CCSER1: variants seen among roughly 807,000 people sequenced by gnomAD.
CCSER1 encodes serine-rich coiled-coil domain-containing protein 1.
In CCSER1, 41 loss-of-function variants were observed where a neutral mutation model predicts 82.0. The observed-to-expected ratio is 0.50, with a 90% CI of 0.39 to 0.65. CCSER1 has a LOEUF of 0.65. Among genes scored for constraint, CCSER1 ranks in the 30% least tolerant of loss-of-function variants. The pLI is 0.00. For missense variants in CCSER1, 1,119 were observed against 1,064.2 expected, an observed-to-expected ratio of 1.05 and a Z score of -0.72; for synonymous variants, 414 against 383.9, an observed-to-expected ratio of 1.08 and a Z score of -0.92.
intron 1 of CCSER1, among the ~76,000 whole-genome samples, chr4:90,260,018 A>G (rs1215203276): frequency 6.6e-6 from 1 of 152,064 alleles, no homozygotes; most frequent in Non-Finnish European, 1.5e-5. Flanking sequence ...TATCTTTTGG[A>G]ATAATTTCAG....
chr4:90,500,016 G>A (rs1769616250), intron 5 of CCSER1, among the ~76,000 whole-genome samples: 1 of 152,134 alleles, frequency 6.6e-6, no homozygotes, highest in South Asian at 2.1e-4. Flanking sequence ...TAAAAGTACT[G>A]CATCTAATGT....
At chr4:90,610,509 T>C (rs1785326507) in intron 5 of CCSER1, among the ~76,000 whole-genome samples, 1 of 152,086 alleles carries the variant, frequency 6.6e-6, no homozygotes, top group South Asian at 2.1e-4. Flanking sequence ...ATGATATAAA[T>C]ATTTTAGCTC....
chr4:90,786,141 A>G (rs1186558479), intron 7 of CCSER1, among the ~76,000 whole-genome samples: 1 of 152,190 alleles, frequency 6.6e-6, no homozygotes, highest in Non-Finnish European at 1.5e-5. Context: ...TCAAAAGGAA[A>G]GCTGGGCAGA....
At chr4:91,402,737 C>T (rs1252231909) in intron 10 of CCSER1, among the ~76,000 whole-genome samples, 1 of 151,842 alleles carries the variant, frequency 6.6e-6, no homozygotes, top group Non-Finnish European at 1.5e-5. Context: ...GGACTCTGTT[C>T]TGTTCTATTG....
chr4:90,154,052 G>A (rs1466277188), intron 1 of CCSER1, among the ~76,000 whole-genome samples: 1 of 152,138 alleles, frequency 6.6e-6, no homozygotes, highest in South Asian at 2.1e-4. Flanking sequence ...CTTAATTTTT[G>A]TATAAGGTGT....
intron 10 of CCSER1, among the ~76,000 whole-genome samples, chr4:91,202,940 A>C (rs1736050361): frequency 6.6e-6 from 1 of 151,562 alleles, no homozygotes; most frequent in Admixed American, 6.6e-5. Context: ...AAGTATTTAA[A>C]GATTTTATGT....
intron 1 of CCSER1, among the ~76,000 whole-genome samples, chr4:90,272,743 C>A (rs1441399131): frequency 6.6e-6 from 1 of 152,182 alleles, no homozygotes; most frequent in Non-Finnish European, 1.5e-5. Flanking sequence ...TGGCTCACGC[C>A]TGTAATCCCA....
At chr4:91,538,057 T>C (rs141475707) in intron 10 of CCSER1, among the ~76,000 whole-genome samples, 24 of 152,132 alleles carry the variant, frequency 1.6e-4, no homozygotes, top group African/African-American at 5.5e-4. Context: ...TGAACAAAAT[T>C]TGCATCAGTA....
intron 10 of CCSER1, among the ~76,000 whole-genome samples, 188 bp from the exon 11 acceptor site, chr4:91,598,384 T>A (rs1356296559): frequency 6.6e-6 from 1 of 152,156 alleles, no homozygotes; most frequent in East Asian, 1.9e-4. Flanking sequence ...AAATTAACCA[T>A]TTAATCACTA....
At chr4:90,245,496 T>C (rs974981183) in intron 1 of CCSER1, among the ~76,000 whole-genome samples, 1 of 152,184 alleles carries the variant, frequency 6.6e-6, no homozygotes, top group African/African-American at 2.4e-5. Context: ...GTTGGACTTA[T>C]CGCATGCTCT....
At chr4:90,769,136 C>A (rs1276604861) in intron 7 of CCSER1, among the ~76,000 whole-genome samples, 2 of 152,120 alleles carry the variant, frequency 1.3e-5, no homozygotes, top group Non-Finnish European at 2.9e-5. Flanking sequence ...ATTATTATAG[C>A]TTCTAGAAAG....
rs993711662 is a variant in CCSER1, at chr4:91,601,895, A to T, written c.*2838A>T. ...ATAAACTGTTCCCATTTTTATAATT[A>T]TTGGAACATGAAACTGTATTTCTAT... On this transcript the variant is annotated 3_prime_UTR_variant, in exon 11 of 11. Coordinates refer to ENST00000509176, the MANE Select transcript of CCSER1 (RefSeq NM_001145065.2). 6.6e-6 allele frequency: 1 copy of T among 152,094 alleles called. No individual in the cohort carries two copies. Among genetic ancestry groups the T allele is most frequent in the Non-Finnish European group, 1.5e-5 (1 of 67,954 alleles). 9.4% of individuals were successfully genotyped at this position (152,094 alleles called of 1,614,324 possible).
At chr4:90,417,306 A>T in intron 4 of CCSER1, among the ~76,000 whole-genome samples, 1 of 152,164 alleles carries the variant, frequency 6.6e-6, no homozygotes. Context: ...GCCATAGCAT[A>T]TTTAAAATAG....
chr4:90,298,944 A>G (rs1411757039), intron 1 of CCSER1, among the ~76,000 whole-genome samples: 2 of 151,940 alleles, frequency 1.3e-5, no homozygotes, highest in African/African-American at 2.4e-5. Context: ...TTCTTCTTTT[A>G]CCACTAACTT....
chr4:91,096,681 C>T (rs963414337), intron 10 of CCSER1, among the ~76,000 whole-genome samples: 1 of 152,178 alleles, frequency 6.6e-6, no homozygotes, highest in Non-Finnish European at 1.5e-5. Context: ...ACTCCATAGT[C>T]TCCTTTGAAT....
chr4:90,771,054 GT>G (rs1260214504), intron 7 of CCSER1, among the ~76,000 whole-genome samples: 1 of 152,032 alleles, frequency 6.6e-6, no homozygotes, highest in African/African-American at 2.4e-5. Flanking sequence ...CAGAATATCT[GT>G]TTGCATGGGA....
chr4:90,632,597 G>T (rs1274853534), intron 6 of CCSER1, among the ~76,000 whole-genome samples: 2 of 152,080 alleles, frequency 1.3e-5, no homozygotes, highest in Non-Finnish European at 2.9e-5. Flanking sequence ...TGAGTAATGG[G>T]TAGGCATTGC....
At chr4:90,875,270 G>A (rs897377215) in intron 8 of CCSER1, among the ~76,000 whole-genome samples, 9 of 152,098 alleles carry the variant, frequency 5.9e-5, no homozygotes, top group Admixed American at 2.6e-4. Context: ...TGTTTTGGTG[G>A]CTATTAAATG....
chr4:90,865,592 A>G (rs1765634443), intron 8 of CCSER1, among the ~76,000 whole-genome samples: 2 of 152,040 alleles, frequency 1.3e-5, no homozygotes, highest in African/African-American at 4.8e-5. Flanking sequence ...GTAGGCATAC[A>G]TACATCAGTA....
Sources: allele counts gnomAD v4.1 joint callset (sites outside exome capture counted in the v4.1 genomes callset), GRCh38; gene constraint gnomAD v4.1.1; transcripts MANE v1.5; gene names NCBI Gene and HGNC (gene_info 2026-07-23, HGNC 2026-07-21).